Variants in OSBPL9 observed in about 807,000 individuals in gnomAD.
OSBPL9 encodes the protein oxysterol-binding protein-related protein 9.
Under a neutral mutation model 106.6 loss-of-function variants are expected in OSBPL9, and 40 were observed. The ratio of observed to expected loss-of-function variants is 0.38; its 90% CI spans 0.29 to 0.49. OSBPL9 has a LOEUF of 0.49. OSBPL9 is among the 20% of genes least tolerant of loss of function. The pLI, the probability that OSBPL9 is intolerant of heterozygous loss-of-function variation, is 0.97. For missense variants in OSBPL9, 609 were observed against 887.2 expected (o/e 0.69, Z 3.98); for synonymous variants, 269 against 295.4 (o/e 0.91, Z 0.92).
intron 3 of OSBPL9, among the ~76,000 whole-genome samples, chr1:51,674,593 T>C (rs1650723676): frequency 6.6e-6 from 1 of 152,240 alleles, no homozygotes; most frequent in South Asian, 2.1e-4. Flanking sequence ...TAGGTAGAAC[T>C]AGAAGTTGAA....
At chr1:51,629,086 A>G (rs1011662076) in intron 1 of OSBPL9, among the ~76,000 whole-genome samples, 1 of 152,106 alleles carries the variant, frequency 6.6e-6, no homozygotes, top group Admixed American at 6.6e-5. Flanking sequence ...GGACAGGTCT[A>G]GCATGGTTGA....
intron 3 of OSBPL9, among the ~76,000 whole-genome samples, chr1:51,713,614 G>A (rs931532849): frequency 2.6e-5 from 4 of 152,190 alleles, no homozygotes; most frequent in Non-Finnish European, 5.9e-5. Flanking sequence ...CATGAGAAGT[G>A]TCCCTAAATA....
chr1:51,635,746 A>G (rs1296600099), intron 1 of OSBPL9, among the ~76,000 whole-genome samples: 1 of 152,056 alleles, frequency 6.6e-6, no homozygotes, highest in Non-Finnish European at 1.5e-5. Context: ...TGAAGATAAA[A>G]TTATCCTTTT....
At chr1:51,617,322 CTG>C in intron 1 of OSBPL9, 101 bp downstream of exon 1, 1 of 1,193,184 alleles carries the variant, frequency 8.4e-7, no homozygotes, top group South Asian at 1.5e-5. Flanking sequence ...GGTTGCTAGT[CTG>C]GGGGTGCCGC....
chr1:51,696,595 T>C (rs1308424608), intron 3 of OSBPL9, among the ~76,000 whole-genome samples: 1 of 152,184 alleles, frequency 6.6e-6, no homozygotes, highest in Non-Finnish European at 1.5e-5. Context: ...TAACCAGATA[T>C]GCCCTTACAC....
intron 1 of OSBPL9, among the ~76,000 whole-genome samples, chr1:51,628,401 A>T (rs573718084): frequency 6.6e-6 from 1 of 152,114 alleles, no homozygotes; most frequent in African/African-American, 2.4e-5. Flanking sequence ...ATAAGATCTC[A>T]GTCATCTGGC....
At chr1:51,605,120 C>T (rs773283037) in intron 2 of OSBPL9, among the ~76,000 whole-genome samples, 38 of 152,216 alleles carry the variant, frequency 2.5e-4, no homozygotes, top group South Asian at 8.3e-4. Context: ...GTTTGCCAAC[C>T]CCTGAGTTAG....
At chr1:51,679,198 T>A (rs1651980288) in intron 3 of OSBPL9, among the ~76,000 whole-genome samples, 1 of 152,230 alleles carries the variant, frequency 6.6e-6, no homozygotes, top group South Asian at 2.1e-4. Flanking sequence ...TTATTTGCTT[T>A]CTGTACAAGA....
chr1:51,635,856 A>G (rs564706447), intron 1 of OSBPL9, among the ~76,000 whole-genome samples: 1 of 152,170 alleles, frequency 6.6e-6, no homozygotes, highest in South Asian at 2.1e-4. Flanking sequence ...AAATCTCTAC[A>G]GCCCTGAATT....
At chr1:51,756,435 A>T (rs1011405172) in intron 9 of OSBPL9, 77 bp downstream of exon 9, 91 of 1,364,986 alleles carry the variant, frequency 6.7e-5, no homozygotes, top group Non-Finnish European at 1.4e-5. Context: ...AGAAGCCTGA[A>T]TTACTACTCA....
intron 1 of OSBPL9, among the ~76,000 whole-genome samples, chr1:51,644,780 C>A (rs1000363621): frequency 5.3e-5 from 8 of 152,178 alleles, no homozygotes; most frequent in Non-Finnish European, 8.8e-5. Context: ...ACTTTGCCCG[C>A]AGATTCTTCA....
chr1:51,783,770 G>C, intron 17 of OSBPL9, 145 bp from the exon 18 acceptor site: 1 of 627,130 alleles, frequency 1.6e-6, no homozygotes, highest in Non-Finnish European at 2.8e-6. Context: ...GGGTATAAAA[G>C]GCAGGTAGGT....
chr1:51,595,392 T>G (rs1645294672), intron 1 of OSBPL9, among the ~76,000 whole-genome samples: 1 of 152,124 alleles, frequency 6.6e-6, no homozygotes, highest in South Asian at 2.1e-4. Context: ...CTTCCATTCA[T>G]CCATCCATCC....
upstream of OSBPL9, among the ~76,000 whole-genome samples, chr1:51,575,493 G>A (rs575744718): frequency 1.3e-3 from 194 of 151,896 alleles, 1 homozygote; most frequent in Non-Finnish European, 2.5e-3. Flanking sequence ...TTACAGGCGT[G>A]AGCCACCGTG....
intron 3 of OSBPL9, among the ~76,000 whole-genome samples, chr1:51,698,473 T>TGTACACATATGTACACATATGTGTGC (rs1656560684): frequency 6.6e-6 from 1 of 150,710 alleles, no homozygotes; most frequent in Non-Finnish European, 1.5e-5. Flanking sequence ...TATATGTGTA[T>TGTACACATATGTACACATATGTGTGC]GTACACATAT....
intron 3 of OSBPL9, among the ~76,000 whole-genome samples, chr1:51,691,643 T>A (rs936332273): frequency 6.6e-6 from 1 of 152,122 alleles, no homozygotes; most frequent in Admixed American, 6.5e-5. Context: ...TAACTTCATG[T>A]CTCTTTTGTA....
the OSBPL9 span, chr1:51,519,228 C>A: frequency 4.4e-4 from 613 of 1,391,648 alleles, 2 homozygotes; most frequent in African/African-American, 8.2e-3. Flanking sequence ...GCCGCCGCAG[C>A]CATGGTGTTT....
chr1:51,685,404 C>A (rs1422808202), intron 3 of OSBPL9, among the ~76,000 whole-genome samples: 1 of 151,960 alleles, frequency 6.6e-6, no homozygotes, highest in East Asian at 1.9e-4. Flanking sequence ...TTACTTCTAC[C>A]ATGATAATCT....
intron 2 of OSBPL9, among the ~76,000 whole-genome samples, chr1:51,602,018 C>CTTTTTT (rs758760414): frequency 0.01 from 794 of 76,296 alleles, 194 homozygotes; most frequent in African/African-American, 0.041. Flanking sequence ...TCTTGGGGTT[C>CTTTTTT]TTTTTTTTTT....
Sources: allele counts gnomAD v4.1 joint callset (sites outside exome capture counted in the v4.1 genomes callset), GRCh38; gene constraint gnomAD v4.1.1; transcripts MANE v1.5; gene names NCBI Gene and HGNC (gene_info 2026-07-23, HGNC 2026-07-21).